Variants in CEP128 observed in about 807,000 individuals in gnomAD.
CEP128 encodes the protein centrosomal protein 128kDa.
A neutral mutation model predicts 156.7 loss-of-function variants in CEP128; 132 were observed. The observed-to-expected ratio is 0.84, with a 90% CI of 0.73 to 0.97. The LOEUF is 0.97. CEP128 is among the 50% of genes least tolerant of loss of function. CEP128 has a pLI of 0.00. For missense variants in CEP128, 1,252 were observed against 1,281.9 expected (o/e 0.98, Z 0.36); for synonymous variants, 469 against 448.9 (o/e 1.04, Z -0.57).
rs368989644 is a variant in CEP128 at position 80,723,316 on chromosome 14, G to A, written c.2806+19759C>T. ...TTAAATATGTATGAAACCTATAAACGTGTCATACTTCACTGTCAAACCTGC... is the reference window on the plus strand; with the variant it reads ...TTAAATATGTATGAAACCTATAAACATGTCATACTTCACTGTCAAACCTGC... On this transcript the variant is annotated intron_variant, in intron 19 of 24. Transcript: ENST00000555265. Among the ~76,000 whole-genome samples the A allele has an allele frequency of 8.5e-5, 13 of 152,218 alleles. 1 individual carries two copies. The highest frequency in any genetic ancestry group is 7.7e-4 in the East Asian group (4 of 5,168).
At chr14:80,700,345 T>C (rs1375628) in intron 19 of CEP128, among the ~76,000 whole-genome samples, 4,926 of 152,130 alleles carry the variant, frequency 0.032, 255 homozygotes, top group African/African-American at 0.11. Flanking sequence ...GCTGGGCTGG[T>C]CACTTATCTT....
chr14:80,649,244 C>T (rs1348100712), intron 19 of CEP128, among the ~76,000 whole-genome samples: 3 of 152,036 alleles, frequency 2.0e-5, no homozygotes, highest in Admixed American at 1.3e-4. Flanking sequence ...TTTATACCTT[C>T]GTCCTCTTCC....
chr14:80,919,775 A>G (rs1394211842), intron 2 of CEP128, among the ~76,000 whole-genome samples: 4 of 152,166 alleles, frequency 2.6e-5, no homozygotes, highest in African/African-American at 9.7e-5. Context: ...ATCTCTCACC[A>G]CCACTAGGAT....
upstream of CEP128, among the ~76,000 whole-genome samples, chr14:80,944,020 C>T (rs1183627428): frequency 6.7e-6 from 1 of 150,328 alleles, no homozygotes; most frequent in Non-Finnish European, 1.5e-5. Flanking sequence ...GTAGTGAAGT[C>T]ACATCACTGA....
intron 20 of CEP128, among the ~76,000 whole-genome samples, chr14:80,563,522 ATCTTTTT>A (rs1890779056): frequency 9.3e-6 from 1 of 107,176 alleles, no homozygotes; most frequent in Non-Finnish European, 1.8e-5. Context: ...GGGCCTCCAA[ATCTTTTT>A]TTTTTTTTTT....
chr14:80,905,133 C>A (rs748356270), intron 5 of CEP128, among the ~76,000 whole-genome samples: 3 of 151,820 alleles, frequency 2.0e-5, no homozygotes, highest in Non-Finnish European at 4.4e-5. Flanking sequence ...ATAAAATGAA[C>A]AACAGAAATA....
At chr14:80,636,822 C>G (rs10130406) in intron 19 of CEP128, among the ~76,000 whole-genome samples, 44,567 of 152,034 alleles carry the variant, frequency 0.29, 8,487 homozygotes, top group African/African-American at 0.53. Context: ...CACGGTGGCT[C>G]ACACCTGTAA....
chr14:80,686,324 G>A (rs1896521852), intron 19 of CEP128, among the ~76,000 whole-genome samples: 1 of 151,214 alleles, frequency 6.6e-6, no homozygotes. Flanking sequence ...TTCATATCCA[G>A]CCAAACTAAG....
At chr14:80,604,374 A>G (rs1036225376) in intron 19 of CEP128, among the ~76,000 whole-genome samples, 2 of 152,148 alleles carry the variant, frequency 1.3e-5, no homozygotes, top group African/African-American at 4.8e-5. Context: ...TCCTCGATGG[A>G]TATGGGAATA....
intron 9 of CEP128, among the ~76,000 whole-genome samples, chr14:80,859,410 G>A (rs935273246): frequency 1.8e-5 from 2 of 112,338 alleles, no homozygotes; most frequent in Non-Finnish European, 3.6e-5. Context: ...GGTGGGGGGA[G>A]GGGGGAGGGA....
At chr14:80,803,619 T>G (rs1046173890) in intron 13 of CEP128, among the ~76,000 whole-genome samples, 1 of 151,810 alleles carries the variant, frequency 6.6e-6, no homozygotes, top group Non-Finnish European at 1.5e-5. Context: ...GAGAGGAAAA[T>G]GGGGAAGAGA....
chr14:80,785,198 G>A lies in CEP128; in HGVS notation c.1908C>T (p.Ser636=). The A allele has an allele frequency of 6.2e-7, 1 of 1,614,154 alleles. No individual in the cohort carries two copies. The highest frequency in any genetic ancestry group is 8.5e-7 in the Non-Finnish European group (1 of 1,180,012). Residue 636 remains serine, a synonymous_variant, in exon 15 of 25, where the codon TCC becomes TCT. Coordinates refer to ENST00000555265, the MANE Select transcript of CEP128 (RefSeq NM_152446.5). ...CTCGGATGGCACTCAGGTCCTTGAT[G>A]GACTCTTGCATCTCAAGAAGTTTAG... ...DKAKLLEMQE[S]IKDLSAIRAD... is the part of the protein sequence containing the mutation.
chr14:80,627,168 A>G (rs1224739106), intron 19 of CEP128, among the ~76,000 whole-genome samples: 4 of 152,238 alleles, frequency 2.6e-5, no homozygotes, highest in Non-Finnish European at 5.9e-5. Flanking sequence ...AAGGAAGGGA[A>G]GAGACACAGA....
At chr14:80,654,150 A>C (rs925729706) in intron 19 of CEP128, among the ~76,000 whole-genome samples, 1 of 152,156 alleles carries the variant, frequency 6.6e-6, no homozygotes, top group African/African-American at 2.4e-5. Context: ...TGACTCGTGA[A>C]TCCCTGCTGG....
intron 9 of CEP128, among the ~76,000 whole-genome samples, chr14:80,860,951 TTG>T (rs1887484456): frequency 6.6e-6 from 1 of 152,096 alleles, no homozygotes; most frequent in South Asian, 2.1e-4. Context: ...TTTGAATCTT[TTG>T]TGTTTCTTGT....
intron 13 of CEP128, among the ~76,000 whole-genome samples, chr14:80,823,095 C>T (rs758799125): frequency 2.0e-5 from 3 of 152,162 alleles, no homozygotes; most frequent in Admixed American, 6.5e-5. Flanking sequence ...GGCACAAAAG[C>T]CTTGTGCTAT....
At position 80,497,503 on chromosome 14, in the gene CEP128, G is replaced by T. The variant is rs1263484939; in HGVS notation, c.3261C>A (p.Pro1087=). The T allele has an allele frequency of 1.9e-5, 31 of 1,610,162 alleles. No homozygotes were observed. Among genetic ancestry groups the T allele is most frequent in the Non-Finnish European group, 2.4e-5 (28 of 1,177,966 alleles). The change falls in exon 25 of 25, where the codon CCC becomes CCA. Residue 1087 remains proline, a synonymous_variant. Transcript: ENST00000555265. ...DATMNGTSSQ[P]KKEEYGS is the part of the protein sequence containing the mutation. Reference sequence around the variant, plus strand: ...TTTAGCTCCCATATTCCTCTTTTTTGGGTTGTGAACTTGTTCCATTCATTG... The same window carrying T: ...TTTAGCTCCCATATTCCTCTTTTTTTGGTTGTGAACTTGTTCCATTCATTG...
intron 14 of CEP128, among the ~76,000 whole-genome samples, chr14:80,478,724 T>TA (rs1322949327): frequency 1.3e-5 from 2 of 152,230 alleles, no homozygotes; most frequent in African/African-American, 4.8e-5. Context: ...TAGCAGATGA[T>TA]ACACGTTAGG....
At chr14:80,578,453 G>T (rs1891449241) in intron 20 of CEP128, among the ~76,000 whole-genome samples, 1 of 152,188 alleles carries the variant, frequency 6.6e-6, no homozygotes, top group Non-Finnish European at 1.5e-5. Flanking sequence ...GATACATGAG[G>T]ATGTGCTAAC....
Sources: gnomAD v4.1 joint callset for allele counts (sites outside exome capture counted in the v4.1 genomes callset) on GRCh38, gnomAD v4.1.1 for gene constraint, MANE v1.5 for transcripts, NCBI Gene and HGNC (gene_info 2026-07-23, HGNC 2026-07-21) for gene names.